IREB2: variants seen among roughly 807,000 people sequenced by gnomAD.
The protein encoded by IREB2 is iron responsive element binding protein 2.
IREB2 carries 39 observed loss-of-function variants against 118.8 expected under a neutral mutation model. That is an observed-to-expected ratio of 0.33 (90% CI 0.25 to 0.43). The LOEUF (loss-of-function observed/expected upper bound fraction) is 0.43. IREB2 is among the 20% of genes least tolerant of loss of function. The probability of loss-of-function intolerance (pLI) is 1.00; values close to 1 mark genes in which losing one functional copy is unlikely to be tolerated. For synonymous variants in IREB2, 372 were observed against 392.2 expected (o/e 0.95, Z 0.61); for missense variants, 900 against 1,147.3 (o/e 0.78, Z 3.11).
Position 78,490,761 on chromosome 15 carries a change from G to T in IREB2, c.2324G>T (p.Gly775Val). ...SAAAKYLTNR[G>V]LTPREFNSYG... ...GCCGCTAAGTATTTGACAAACAGAG[G>T]GTATGTGTACATGGCTTTAGAGTGT... Residue 775 changes from glycine to valine, a missense_variant and splice_region_variant, in exon 18 of 22, where the codon GGC becomes GTC. Coordinates refer to ENST00000258886, the MANE Select transcript of IREB2 (RefSeq NM_004136.4). 2.5e-6 allele frequency: 4 copies of T among 1,613,782 alleles called. No homozygotes were observed. The highest frequency in any genetic ancestry group is 3.4e-6 in the Non-Finnish European group (4 of 1,179,870).
rs2051307046 is a variant in IREB2, at chr15:78,467,681, C to T, written c.629+1192C>T. 2.0e-5 allele frequency among the ~76,000 whole-genome samples: 3 copies of T among 150,046 alleles called. No homozygotes were observed. In the South Asian group the frequency reaches 6.2e-4, roughly 31 times the overall value. ...CTCCAGCCTGGGTGACAGAGCAAGA[C>T]TCTGTCTCAGAAAAAAAAAAAGTCA... On this transcript the variant is annotated intron_variant, in intron 5 of 21. Transcript: ENST00000258886.
chr15:78,479,650 G>T (rs1172397065), intron 10 of IREB2, among the ~76,000 whole-genome samples: 1 of 151,852 alleles, frequency 6.6e-6, no homozygotes, highest in East Asian at 1.9e-4. Context: ...AATCAGTTTC[G>T]ATGTTATCTG....
chr15:78,453,293 T>G (rs991603864), intron 2 of IREB2, among the ~76,000 whole-genome samples: 7 of 152,142 alleles, frequency 4.6e-5, no homozygotes, highest in African/African-American at 1.7e-4. Flanking sequence ...AGGAGGTAAT[T>G]ATTAGCTCTT....
At position 78,496,919 on chromosome 15, in the gene IREB2, T is replaced by A. The variant is rs563179412; in HGVS notation, c.2596-207T>A. 8.5e-5 allele frequency among the ~76,000 whole-genome samples: 13 copies of A among 152,244 alleles called. No homozygotes were observed. The South Asian group carries it at 2.7e-3, about 32-fold the overall frequency. On this transcript the variant is annotated intron_variant, in intron 20 of 21. Transcript: ENST00000258886. ...TTAACCCTAGAGCAGCAGAAAGGGA[T>A]CCGAATAATTTAGAGAGCTCCATAA...
At chr15:78,448,415 G>T (rs2050967055) in intron 2 of IREB2, among the ~76,000 whole-genome samples, 1 of 152,152 alleles carries the variant, frequency 6.6e-6, no homozygotes, top group Non-Finnish European at 1.5e-5. Context: ...AAAGTGCTGG[G>T]ATTACAGCCG....
At chr15:78,483,526 C>G (rs942107753) in intron 11 of IREB2, 92 bp downstream of exon 11, 1 of 738,978 alleles carries the variant, frequency 1.4e-6, no homozygotes, top group African/African-American at 1.7e-5. Flanking sequence ...CAATTCACTG[C>G]TATGTTTTAT....
Position 78,483,408 on chromosome 15 carries a change from G to T in IREB2, c.1387G>T (p.Asp463Tyr). Reference protein sequence around the residue: ...DRVAVTDMKSDFQACLNEKVG... With the variant: ...DRVAVTDMKSYFQACLNEKVG... ...AGTTGCTGTGACAGATATGAAAAGC[G>T]ATTTCCAGGCTTGCTTAAATGAAAA... Residue 463 changes from aspartate (D) to tyrosine (Y), a missense_variant, in exon 11 of 22, where the codon GAT (aspartate) becomes TAT (tyrosine). Asp to Tyr is a radical substitution (Grantham distance 160). Coordinates refer to ENST00000258886, the MANE Select transcript of IREB2 (RefSeq NM_004136.4). 1 of 1,598,908 alleles carries T rather than the reference G, an allele frequency of 6.3e-7. No individual in the cohort carries two copies. The highest frequency in any genetic ancestry group is 1.7e-5 in the Admixed American group (1 of 59,990).
chr15:78,489,829 T>G (rs1200467187), intron 16 of IREB2, among the ~76,000 whole-genome samples: 1 of 152,242 alleles, frequency 6.6e-6, no homozygotes, highest in Non-Finnish European at 1.5e-5. Flanking sequence ...GGTGAGATTT[T>G]TGGCTGTAGT....
chr15:78,463,925 A>G (rs937036068), intron 3 of IREB2, among the ~76,000 whole-genome samples: 3 of 152,172 alleles, frequency 2.0e-5, no homozygotes, highest in Non-Finnish European at 4.4e-5. Context: ...ATGGCACCAT[A>G]CACTCCCATT....
intron 8 of IREB2, chr15:78,475,109 A>ACACTTAGG (rs1179991016): frequency 6.7e-6 from 1 of 150,232 alleles, no homozygotes; most frequent in Non-Finnish European, 1.5e-5. Context: ...AAACATCTTT[A>ACACTTAGG]CACTTAGGGT....
In IREB2 at chr15:78,478,285, T is replaced by C; in HGVS notation, c.1196-12T>C. ...TCACTGCATTTTGTTGTTTTGTTCA[T>C]CTTCGTTTTAGGTTTTAGCAAAGCC... On this transcript the variant is annotated splice_polypyrimidine_tract_variant and intron_variant, in intron 9 of 21. Coordinates refer to ENST00000258886, the MANE Select transcript of IREB2 (RefSeq NM_004136.4). The C allele has an allele frequency of 6.5e-7, 1 of 1,537,392 alleles. No individual in the cohort carries two copies. The highest frequency in any genetic ancestry group is 9.0e-7 in the Non-Finnish European group (1 of 1,112,648).
rs377278047 is a variant in IREB2 at position 78,439,900 on chromosome 15, T to A, written c.106+19T>A. 46 of 1,472,528 alleles carry A rather than the reference T, an allele frequency of 3.1e-5. No individual in the cohort carries two copies. In the African/African-American group the frequency reaches 5.6e-4, roughly 18 times the overall value. 91.2% of individuals were successfully genotyped at this position (1,472,528 alleles called of 1,614,324 possible). On this transcript the variant is annotated intron_variant, in intron 2 of 21. Transcript: ENST00000258886. ...AAGTATGGTAATGTTGCTTTACATT[T>A]TCTTGGGTTTGTTTAGTCTCTAATA... is the stretch of plus-strand genomic sequence containing the variant.
At chr15:78,438,740 G>A (rs1175896613) in intron 1 of IREB2, 4 of 313,896 alleles carry the variant, frequency 1.3e-5, no homozygotes, top group Non-Finnish European at 1.2e-5. Flanking sequence ...GCGGGGGCCT[G>A]CGTCTCCGTG....
At chr15:78,463,495 T>TTTTTG (rs2051230986) in intron 3 of IREB2, among the ~76,000 whole-genome samples, 3 of 152,156 alleles carry the variant, frequency 2.0e-5, no homozygotes, top group East Asian at 1.9e-4. Context: ...GCTCTGTGTT[T>TTTTTG]TTTTGTTTTG....
chr15:78,455,580 GAAAA>G (rs1426025871), intron 2 of IREB2, among the ~76,000 whole-genome samples: 2 of 40,014 alleles, frequency 5.0e-5, no homozygotes, highest in African/African-American at 1.0e-4. Context: ...AAAAAAAAAA[GAAAA>G]AAAGAAAAAA....
At chr15:78,486,399 G>GT in intron 13 of IREB2, among the ~76,000 whole-genome samples, 1 of 152,166 alleles carries the variant, frequency 6.6e-6, no homozygotes, top group Admixed American at 6.5e-5. Flanking sequence ...GAGGCCAGGA[G>GT]TTTGAGACCA....
chr15:78,464,658 A>G (rs1018199110), intron 3 of IREB2, among the ~76,000 whole-genome samples: 3 of 152,144 alleles, frequency 2.0e-5, no homozygotes, highest in Admixed American at 1.3e-4. Context: ...ATCATAGTTC[A>G]CTGCAGCATC....
intron 3 of IREB2, among the ~76,000 whole-genome samples, chr15:78,464,439 G>A (rs1248557908): frequency 1.3e-5 from 2 of 152,158 alleles, no homozygotes; most frequent in South Asian, 2.1e-4. Context: ...TGTACCCTAT[G>A]TATGCTGCTA....
Position 78,497,274 on chromosome 15 carries a change from C to G in IREB2, c.2744C>G (p.Pro915Arg), listed in dbSNP as rs1430778197. 19 of 1,613,728 alleles carry G rather than the reference C, an allele frequency of 1.2e-5. No homozygotes were observed. The highest frequency in any genetic ancestry group is 1.5e-5 in the Non-Finnish European group (18 of 1,179,790). The stretch of plus-strand genomic sequence containing the variant: ...AGAGAAACATTTTCTTTAACATTTC[C>G]TGAAGAACTGTCTCCTGGAATTACA... Reference protein sequence around the residue: ...SGRETFSLTFPEELSPGITLN... With the variant: ...SGRETFSLTFREELSPGITLN... The change falls in exon 21 of 22, where the codon CCT (proline) becomes CGT (arginine). Residue 915 changes from proline to arginine, a missense_variant. Transcript: ENST00000258886.
Sources: gnomAD v4.1 joint callset for allele counts (sites outside exome capture counted in the v4.1 genomes callset) on GRCh38, gnomAD v4.1.1 for gene constraint, MANE v1.5 for transcripts, NCBI Gene and HGNC (gene_info 2026-07-23, HGNC 2026-07-21) for gene names.